TLE3: variants seen among roughly 807,000 people sequenced by gnomAD.
The protein encoded by TLE3 is transducin-like enhancer protein 3.
TLE3 carries 14 observed loss-of-function variants against 93.0 expected under a neutral mutation model. That is an observed-to-expected ratio of 0.15 (90% CI 0.10 to 0.24). The LOEUF (loss-of-function observed/expected upper bound fraction) is 0.24, where lower values mean the gene tolerates loss of function less well. TLE3 is among the 10% of genes least tolerant of loss of function. The pLI is 1.00. For synonymous variants in TLE3, 451 were observed against 425.0 expected, an observed-to-expected ratio of 1.06 and a Z score of -0.75; for missense variants, 693 against 1,046.6, an observed-to-expected ratio of 0.66 and a Z score of 4.66.
intron 4 of TLE3, chr15:70,079,508 T>C (rs2057648700): frequency 4.4e-6 from 2 of 453,376 alleles, no homozygotes; most frequent in South Asian, 1.6e-5. Flanking sequence ...GCTGTCACTG[T>C]GCCATCATCT....
In TLE3 at chr15:70,057,588, A is replaced by C. The variant is rs777705275; in HGVS notation, c.1122T>G (p.His374Gln). The change falls in exon 13 of 20, where the codon CAT becomes CAG. Residue 374 changes from histidine (H) to glutamine (Q), a missense_variant. Physicochemically the swap from His to Gln is conservative, Grantham distance 24 (BLOSUM62 0). Transcript: ENST00000451782. Reference protein sequence around the residue: ...YAAPFAMMSHHEMNGSLTSPG... With the variant: ...YAAPFAMMSHQEMNGSLTSPG... Reference sequence around the variant, plus strand: ...GACTGGTGAGGGAGCCGTTCATCTCATGGTGGCTCATCATGGCGAAGGGCG... The same window carrying C: ...GACTGGTGAGGGAGCCGTTCATCTCCTGGTGGCTCATCATGGCGAAGGGCG... 3 of 1,598,496 alleles carry C rather than the reference A, an allele frequency of 1.9e-6. No individual in the cohort carries two copies. Among genetic ancestry groups the C allele is most frequent in the Non-Finnish European group, 2.6e-6 (3 of 1,173,442 alleles).
chr15:70,052,597 G>T, intron 17 of TLE3, 73 bp from the exon 18 acceptor site: 1 of 1,515,624 alleles, frequency 6.6e-7, no homozygotes. Flanking sequence ...GCTCCCAAAG[G>T]TGCTGCTCAG....
At chr15:70,065,443 T>C (rs1242948859) in intron 7 of TLE3, among the ~76,000 whole-genome samples, 1 of 152,224 alleles carries the variant, frequency 6.6e-6, no homozygotes, top group Non-Finnish European at 1.5e-5. Flanking sequence ...TACCCCCACT[T>C]ACAGGCAGTC....
At chr15:70,096,333 T>G in intron 1 of TLE3, 72 bp from the exon 2 acceptor site, 1 of 1,492,338 alleles carries the variant, frequency 6.7e-7, no homozygotes. Flanking sequence ...CCCCGGCCCC[T>G]CCCCAACGGC....
At chr15:70,096,514 G>GT in intron 1 of TLE3, 1 of 1,247,810 alleles carries the variant, frequency 8.0e-7, no homozygotes, top group Non-Finnish European at 1.1e-6. Context: ...GACAAGCCGG[G>GT]TGAGTTGGGA....
chr15:70,085,516 A>C (rs991365950), intron 4 of TLE3, among the ~76,000 whole-genome samples: 1 of 152,234 alleles, frequency 6.6e-6, no homozygotes, highest in African/African-American at 2.4e-5. Context: ...ATGGATAGTG[A>C]GGAAGAGCTG....
At chr15:70,068,123 C>T (rs903581238) in intron 6 of TLE3, among the ~76,000 whole-genome samples, 1 of 152,172 alleles carries the variant, frequency 6.6e-6, no homozygotes, top group Non-Finnish European at 1.5e-5. Flanking sequence ...TATCTTATTA[C>T]AAAACTAATA....
intron 4 of TLE3, among the ~76,000 whole-genome samples, chr15:70,091,693 A>T (rs2058315691): frequency 6.6e-6 from 1 of 152,238 alleles, no homozygotes; most frequent in African/African-American, 2.4e-5. Context: ...CCAGAGAAGG[A>T]GCCAGCCACA....
intron 15 of TLE3, 71 bp downstream of exon 15, chr15:70,054,978 T>C: frequency 6.6e-7 from 1 of 1,509,870 alleles, no homozygotes; most frequent in East Asian, 2.5e-5. Context: ...CCTGGGGCTC[T>C]CCCCTGTGGC....
chr15:70,096,809 GGTCGTGATT>G lies in TLE3; in HGVS notation c.-20_-12del. 6.2e-7 allele frequency: 1 copy of G among 1,611,988 alleles called. No homozygotes were observed. Among genetic ancestry groups the G allele is most frequent in the Non-Finnish European group, 8.5e-7 (1 of 1,179,388 alleles). ...GCCCTGCGGATACATGGCAGGGAGG[GGTCGTGATT>G]CCGAGAGCGTGGAAGCGCCGAGAGC... On this transcript the variant is annotated 5_prime_UTR_variant, in exon 1 of 20. Transcript: ENST00000451782.
rs2055379700 is a variant in TLE3, at chr15:70,050,039, C to T, written c.*58G>A. 6.7e-7 allele frequency: 1 copy of T among 1,500,426 alleles called. No individual in the cohort carries two copies. The highest frequency in any genetic ancestry group is 1.7e-5 in the Admixed American group (1 of 59,536). The allele number at this position is 1,500,426 out of a possible 1,614,324, so 92.9% of individuals were successfully genotyped here. ...CTCGGGGCCCCTCGCCTGGGGGTCT[C>T]CCTGTCAGAGCCGAGTCGGTTTCTC... On this transcript the variant is annotated 3_prime_UTR_variant, in exon 20 of 20. Transcript: ENST00000451782.
In TLE3 at chr15:70,065,340, C is replaced by A. The variant is rs187175660; in HGVS notation, c.577+674G>T. On this transcript the variant is annotated intron_variant, in intron 7 of 19. Transcript: ENST00000451782. ...ACCACTCCTGAGGCCAAGCTCGGTG[C>A]AGCTTCATGGGTCCTCATGGTAGGG... Among the ~76,000 whole-genome samples, 23 of 152,364 alleles carry A rather than the reference C, an allele frequency of 1.5e-4. 1 individual carries two copies. In the East Asian group the frequency reaches 3.1e-3, roughly 20 times the overall value.
intron 17 of TLE3, 56 bp downstream of exon 17, chr15:70,053,171 C>T (rs2055699507): frequency 1.3e-6 from 2 of 1,559,410 alleles, no homozygotes; most frequent in African/African-American, 2.7e-5. Flanking sequence ...CCACTGGGGC[C>T]CCGGAGGGAG....
intron 6 of TLE3, among the ~76,000 whole-genome samples, chr15:70,070,485 G>A (rs912138954): frequency 1.5e-4 from 23 of 152,176 alleles, no homozygotes; most frequent in African/African-American, 9.7e-5. Context: ...TCCTGACAGC[G>A]TAAAATGAAC....
intron 17 of TLE3, chr15:70,053,010 T>A: frequency 1.8e-6 from 1 of 550,572 alleles, no homozygotes; most frequent in Non-Finnish European, 3.1e-6. Flanking sequence ...TGAATCGAAT[T>A]TCCACAGTTG....
intron 4 of TLE3, among the ~76,000 whole-genome samples, chr15:70,092,953 GA>G (rs969430486): frequency 2.4e-4 from 36 of 150,018 alleles, no homozygotes; most frequent in African/African-American, 7.6e-4. Flanking sequence ...TACTATTTGA[GA>G]AAAAAAAAAT....
chr15:70,096,756 C>G lies in TLE3; in HGVS notation c.24+19G>C, dbSNP rs371493103. On this transcript the variant is annotated intron_variant, in intron 1 of 19. Coordinates refer to ENST00000451782, the MANE Select transcript of TLE3 (RefSeq NM_001105192.3). ...CTGCCATGATAGATGCTTAAATAAA[C>G]CGAGTTGCAATTACTCACCGGATGT... 2 of 1,613,116 alleles carry G rather than the reference C, an allele frequency of 1.2e-6. No homozygotes were observed. Among genetic ancestry groups the G allele is most frequent in the Non-Finnish European group, 8.5e-7 (1 of 1,179,562 alleles).
intron 1 of TLE3, chr15:70,096,567 G>A: frequency 6.7e-7 from 1 of 1,485,888 alleles, no homozygotes; most frequent in Non-Finnish European, 9.1e-7. Context: ...AGCTCCCCCT[G>A]GAACACAAGC....
In TLE3 at chr15:70,097,473, C is replaced by T. The variant is rs2058617483; in HGVS notation, c.-675G>A. The T allele has an allele frequency of 4.1e-5, 17 of 415,230 alleles. No homozygotes were observed. The South Asian group carries it at 5.9e-4, about 15-fold the overall frequency. 25.7% of individuals were successfully genotyped at this position (415,230 alleles called of 1,614,324 possible). On this transcript the variant is annotated 5_prime_UTR_variant, in exon 1 of 20. Coordinates refer to ENST00000451782, the MANE Select transcript of TLE3 (RefSeq NM_001105192.3). ...GCCGCTGCCGCCGCCGCCGCCGCCG[C>T]TGCAAGCCCTTCCCAGGGCCGGGGA... is the stretch of plus-strand genomic sequence containing the variant.
Sources: gnomAD v4.1 joint callset for allele counts (sites outside exome capture counted in the v4.1 genomes callset) on GRCh38, gnomAD v4.1.1 for gene constraint, MANE v1.5 for transcripts, NCBI Gene and HGNC (gene_info 2026-07-23, HGNC 2026-07-21) for gene names.